The following MAPK1IP1L variants were observed in gnomAD, a reference collection of about 807,000 sequenced individuals.
MAPK1IP1L encodes MAPK-interacting and spindle-stabilizing protein-like.
Under a neutral mutation model 18.1 loss-of-function variants are expected in MAPK1IP1L, and 10 were observed. The observed-to-expected ratio is 0.55, with a 90% CI of 0.34 to 0.94. The LOEUF is 0.94. Ranked by LOEUF, MAPK1IP1L falls within the 40% of genes least tolerant of loss-of-function variation. MAPK1IP1L has a pLI of 0.02. For synonymous variants in MAPK1IP1L, 115 were observed against 117.3 expected (o/e 0.98, Z 0.13); for missense variants, 260 against 318.2 (o/e 0.82, Z 1.39).
intron 1 of MAPK1IP1L, among the ~76,000 whole-genome samples, chr14:55,057,733 C>T (rs1246943378): frequency 2.0e-5 from 3 of 149,692 alleles, no homozygotes; most frequent in African/African-American, 4.9e-5. Context: ...TCCAGTCTGG[C>T]GACAGAGCGA....
chr14:55,061,908 T>C (rs901229279), intron 2 of MAPK1IP1L, among the ~76,000 whole-genome samples: 1 of 152,216 alleles, frequency 6.6e-6, no homozygotes. Context: ...ATTGCACTCC[T>C]GCCTGGGTGA....
chr14:55,059,804 G>C (rs2042802236), intron 1 of MAPK1IP1L, among the ~76,000 whole-genome samples: 1 of 151,982 alleles, frequency 6.6e-6, no homozygotes, highest in Admixed American at 6.5e-5. Flanking sequence ...AAGTGAGGTG[G>C]TGCACAGTAC....
At chr14:55,059,573 T>C (rs1441048359) in intron 1 of MAPK1IP1L, among the ~76,000 whole-genome samples, 1 of 152,148 alleles carries the variant, frequency 6.6e-6, no homozygotes, top group East Asian at 1.9e-4. Flanking sequence ...CAAGACTGTT[T>C]CAAAAAGAAA....
chr14:55,055,509 G>C (rs969970308), intron 1 of MAPK1IP1L, among the ~76,000 whole-genome samples: 2 of 152,052 alleles, frequency 1.3e-5, no homozygotes, highest in Non-Finnish European at 2.9e-5. Flanking sequence ...ATGTTTTTTA[G>C]ATCTAATAAC....
intron 1 of MAPK1IP1L, among the ~76,000 whole-genome samples, chr14:55,053,429 C>G (rs574194593): frequency 6.6e-6 from 1 of 152,340 alleles, no homozygotes; most frequent in Non-Finnish European, 1.5e-5. Flanking sequence ...CACCCAAGCA[C>G]TATTTTTTTA....
chr14:55,063,949 C>T (rs1246465585), intron 3 of MAPK1IP1L: 1 of 145,520 alleles, frequency 6.9e-6, no homozygotes, highest in Admixed American at 7.1e-5. Flanking sequence ...GTAAGCCAAA[C>T]GAGTATCCAA....
rs1459149218 is a variant in MAPK1IP1L, at chr14:55,051,664, C to T, written c.-144C>T. 3.9e-6 allele frequency: 2 copies of T among 513,950 alleles called. No homozygotes were observed. Among genetic ancestry groups the T allele is most frequent in the African/African-American group, 3.9e-5 (2 of 51,366 alleles). The allele number at this position is 513,950 out of a possible 1,614,324, so 31.8% of individuals were successfully genotyped here. On this transcript the variant is annotated 5_prime_UTR_variant, in exon 1 of 4. Coordinates refer to ENST00000395468, the MANE Select transcript of MAPK1IP1L (RefSeq NM_144578.4). Reference sequence around the variant, plus strand: ...CGCTCGGCGCTTCCTGTTCCGGCGCCAGGAGGAGCCGCGCGCTGCTGGTGC... The same window carrying T: ...CGCTCGGCGCTTCCTGTTCCGGCGCTAGGAGGAGCCGCGCGCTGCTGGTGC...
rs1220653985 is a variant in MAPK1IP1L at position 55,068,461 on chromosome 14, A to G, written c.*3834A>G. The G allele has an allele frequency of 1.3e-5, 2 of 152,744 alleles. No individual in the cohort carries two copies. Among genetic ancestry groups the G allele is most frequent in the African/African-American group, 2.4e-5 (1 of 41,566 alleles). 9.5% of individuals were successfully genotyped at this position (152,744 alleles called of 1,614,324 possible). On this transcript the variant is annotated 3_prime_UTR_variant, in exon 4 of 4. Transcript: ENST00000395468. ...TCAATTGCCTACACTTCTAAACAAT[A>G]AGTGCCAATGTCTCAATTTTCTCAC...
chr14:55,064,110 C>T (rs527742082), intron 3 of MAPK1IP1L, among the ~76,000 whole-genome samples: 5 of 136,994 alleles, frequency 3.6e-5, no homozygotes, highest in African/African-American at 8.3e-5. Context: ...CAGGTTCAAG[C>T]GATTCTCCTG....
At position 55,062,872 on chromosome 14, in the gene MAPK1IP1L, C is replaced by T. The variant is rs150397932; in HGVS notation, c.273C>T (p.Ser91=). ...PPGPPAPFPP[S]GPSCPPPGGP... The stretch of plus-strand genomic sequence containing the variant: ...GACCCCCAGCACCCTTTCCTCCTTC[C>T]GGACCATCATGTCCCCCACCTGGTG... Residue 91 remains serine, a synonymous_variant, in exon 3 of 4, where the codon TCC becomes TCT. Transcript: ENST00000395468. The T allele has an allele frequency of 2.4e-5, 38 of 1,614,040 alleles. No individual in the cohort carries two copies. Among genetic ancestry groups the T allele is most frequent in the African/African-American group, 4.0e-5 (3 of 74,910 alleles).
At chr14:55,062,576 CT>C (rs751224740) in intron 2 of MAPK1IP1L, 41 bp from the exon 3 acceptor site, 151 of 1,518,560 alleles carry the variant, frequency 9.9e-5, no homozygotes, top group Non-Finnish European at 1.2e-4. Flanking sequence ...TTCGATGTAA[CT>C]TTTCCCTAGA....
In MAPK1IP1L at chr14:55,064,857, G is replaced by T. The variant is rs1354860127; in HGVS notation, c.*230G>T. ...ATCATTCGGATGTGATTTTTATTTG[G>T]TTTTCATGGAAAGTTAAAGTGATAA... is the stretch of plus-strand genomic sequence containing the variant. On this transcript the variant is annotated 3_prime_UTR_variant, in exon 4 of 4. Transcript: ENST00000395468. 7.3e-6 allele frequency: 3 copies of T among 412,450 alleles called. No homozygotes were observed. The highest frequency in any genetic ancestry group is 2.0e-5 in the African/African-American group (1 of 48,792). The allele number at this position is 412,450 out of a possible 1,614,324, so 25.5% of individuals were successfully genotyped here. A position where few individuals can be genotyped will look rare whatever the true frequency, so the allele number is the denominator to read the frequency against.
intron 1 of MAPK1IP1L, among the ~76,000 whole-genome samples, chr14:55,057,596 A>C (rs964743883): frequency 1.3e-5 from 2 of 152,122 alleles, no homozygotes; most frequent in African/African-American, 4.8e-5. Context: ...GTCTCTACTA[A>C]AAATACAAAA....
chr14:55,058,446 A>T (rs2042788447), intron 1 of MAPK1IP1L, among the ~76,000 whole-genome samples: 1 of 152,232 alleles, frequency 6.6e-6, no homozygotes, highest in Admixed American at 6.5e-5. Flanking sequence ...ATCCCTTAAA[A>T]GAAATGTATA....
chr14:55,062,810 A>C lies in MAPK1IP1L; in HGVS notation c.211A>C (p.Met71Leu). The C allele has an allele frequency of 6.2e-7, 1 of 1,614,048 alleles. No homozygotes were observed. The change falls in exon 3 of 4, where the codon ATG (methionine) becomes CTG (leucine). Residue 71 changes from methionine (M) to leucine (L), a missense_variant. Coordinates refer to ENST00000395468, the MANE Select transcript of MAPK1IP1L (RefSeq NM_144578.4). ...TVPFGPAPTGMYPSVPPTGPP... is the reference protein window; with the variant it reads ...TVPFGPAPTGLYPSVPPTGPP... ...GCCTTTTGGACCAGCACCAACAGGAATGTATCCCTCCGTGCCTCCCACCGG... is the reference window on the plus strand; with the variant it reads ...GCCTTTTGGACCAGCACCAACAGGACTGTATCCCTCCGTGCCTCCCACCGG...
chr14:55,056,000 T>C (rs2042768536), intron 1 of MAPK1IP1L, among the ~76,000 whole-genome samples: 1 of 152,166 alleles, frequency 6.6e-6, no homozygotes, highest in African/African-American at 2.4e-5. Flanking sequence ...GGACCTTAGG[T>C]AATTAAAACC....
chr14:55,055,786 C>T (rs781754600), intron 1 of MAPK1IP1L, among the ~76,000 whole-genome samples: 14 of 151,990 alleles, frequency 9.2e-5, no homozygotes, highest in Non-Finnish European at 1.9e-4. Flanking sequence ...AAAAATTAGC[C>T]GGGCGTGGTG....
At chr14:55,057,726 A>G (rs2042782930) in intron 1 of MAPK1IP1L, among the ~76,000 whole-genome samples, 1 of 151,980 alleles carries the variant, frequency 6.6e-6, no homozygotes, top group Non-Finnish European at 1.5e-5. Flanking sequence ...ACTGCACTCC[A>G]GTCTGGCGAC....
intron 1 of MAPK1IP1L, among the ~76,000 whole-genome samples, chr14:55,056,685 A>G (rs901166338): frequency 6.6e-6 from 1 of 151,986 alleles, no homozygotes. Flanking sequence ...AATTTTTTGT[A>G]TTTTTAGTAG....
Sources: allele counts gnomAD v4.1 joint callset (sites outside exome capture counted in the v4.1 genomes callset), GRCh38; gene constraint gnomAD v4.1.1; transcripts MANE v1.5; gene names NCBI Gene and HGNC (gene_info 2026-07-23, HGNC 2026-07-21).